The following LAMA2 variants were observed in gnomAD, a reference collection of about 807,000 sequenced individuals.
The protein encoded by LAMA2 is laminin subunit alpha 2.
LAMA2 carries 269 observed loss-of-function variants against 364.8 expected under a neutral mutation model. The observed-to-expected ratio is 0.74, with a 90% CI of 0.67 to 0.82. The LOEUF is 0.82. Ranked by LOEUF, LAMA2 falls within the 40% of genes least tolerant of loss-of-function variation. The pLI, the probability that LAMA2 is intolerant of heterozygous loss-of-function variation, is 0.00. For missense variants in LAMA2, 3,807 were observed against 3,873.2 expected (o/e 0.98, Z 0.45); for synonymous variants, 1,379 against 1,370.6 (o/e 1.01, Z -0.14).
At position 129,460,274 on chromosome 6, in the gene LAMA2, T is replaced by A; in HGVS notation, c.6942T>A (p.Gly2314=). 1 of 1,612,150 alleles carries A rather than the reference T, an allele frequency of 6.2e-7. No homozygotes were observed. Among genetic ancestry groups the A allele is most frequent in the African/African-American group, 1.3e-5 (1 of 74,878 alleles). Residue 2314 remains glycine, a synonymous_variant, in exon 49 of 65, where the codon GGT becomes GGA. Transcript: ENST00000421865. ...CATACTTTGACAACAAACCTATAGG[T>A]TTGTGGAATTTCCGAGAAAAAGAAG... The part of the protein sequence containing the change: ...GETYFDNKPI[G]LWNFREKEGD...
chr6:128,946,412 T>C (rs1008584646), intron 1 of LAMA2, among the ~76,000 whole-genome samples: 1 of 152,182 alleles, frequency 6.6e-6, no homozygotes, highest in Non-Finnish European at 1.5e-5. Flanking sequence ...GAACATGTGG[T>C]GGACTGGGAT....
intron 34 of LAMA2, among the ~76,000 whole-genome samples, chr6:129,371,662 A>G (rs1778090896): frequency 6.8e-6 from 1 of 147,284 alleles, no homozygotes; most frequent in African/African-American, 2.5e-5. Context: ...GCTGGAGTGC[A>G]GTGGTGCGAT....
intron 41 of LAMA2, 106 bp from the exon 42 acceptor site, chr6:129,438,540 T>G (rs1400698552): frequency 1.6e-6 from 1 of 626,196 alleles, no homozygotes; most frequent in Admixed American, 2.6e-5. Context: ...TACATTTTCT[T>G]GCTTTTAATT....
chr6:128,940,401 G>T (rs1780079531), intron 1 of LAMA2, among the ~76,000 whole-genome samples: 1 of 151,946 alleles, frequency 6.6e-6, no homozygotes, highest in Non-Finnish European at 1.5e-5. Flanking sequence ...TTTATTATAA[G>T]CTTTAAGAGG....
In LAMA2 at chr6:129,154,585, G is replaced by T; in HGVS notation, c.1108G>T (p.Gly370Ter). The change falls in exon 8 of 65, where the codon GGA (glycine) becomes TGA (stop). Residue 370 changes from glycine (G) to a stop codon, truncating the protein, a stop_gained. Coordinates refer to ENST00000421865, the MANE Select transcript of LAMA2 (RefSeq NM_000426.4). LOFTEE classifies it high-confidence loss of function. ...ARRNLSLNIR[G>*]KYIGGGVCIN... ...AAGAAATCTGAGTTTGAATATACGTGGAAAGTACATTGGAGGGGGTGTCTG... is the reference window on the plus strand; with the variant it reads ...AAGAAATCTGAGTTTGAATATACGTTGAAAGTACATTGGAGGGGGTGTCTG... The T allele has an allele frequency of 6.2e-7, 1 of 1,613,650 alleles. No individual in the cohort carries two copies. Among genetic ancestry groups the T allele is most frequent in the Non-Finnish European group, 8.5e-7 (1 of 1,179,602 alleles).
At chr6:129,249,571 G>A (rs1276443304) in intron 12 of LAMA2, among the ~76,000 whole-genome samples, 1 of 152,114 alleles carries the variant, frequency 6.6e-6, no homozygotes, top group Non-Finnish European at 1.5e-5. Context: ...TGCCTGTTTT[G>A]TTTGAATTTT....
intron 1 of LAMA2, among the ~76,000 whole-genome samples, chr6:129,040,991 A>G (rs1362777388): frequency 1.3e-5 from 2 of 152,240 alleles, no homozygotes; most frequent in African/African-American, 4.8e-5. Flanking sequence ...AGTGAAACAC[A>G]GTAGATCTTT....
chr6:129,461,430 CATTCATTGTTT>C (rs898732314), intron 49 of LAMA2, among the ~76,000 whole-genome samples: 1 of 151,988 alleles, frequency 6.6e-6, no homozygotes, highest in African/African-American at 2.4e-5. Flanking sequence ...AAGCGTGACC[CATTCATTGTTT>C]AAAATGGTTT....
chr6:129,157,926 T>C, intron 8 of LAMA2: 1 of 1,614,180 alleles, frequency 6.2e-7, no homozygotes, highest in South Asian at 1.1e-5. Context: ...CACCCTGGTA[T>C]TCAAGGGCAC....
intron 12 of LAMA2, among the ~76,000 whole-genome samples, chr6:129,195,667 G>A (rs138257689): frequency 6.6e-6 from 1 of 152,102 alleles, no homozygotes; most frequent in Non-Finnish European, 1.5e-5. Context: ...ATTAAATCAG[G>A]CACCCACAGG....
chr6:129,070,822 C>A (rs1450619503), intron 3 of LAMA2, among the ~76,000 whole-genome samples: 2 of 152,102 alleles, frequency 1.3e-5, no homozygotes, highest in African/African-American at 4.8e-5. Flanking sequence ...ATGAAACATG[C>A]ATTTTCAGTG....
chr6:129,019,112 A>G (rs1785257041), intron 1 of LAMA2, among the ~76,000 whole-genome samples: 1 of 152,022 alleles, frequency 6.6e-6, no homozygotes, highest in Non-Finnish European at 1.5e-5. Flanking sequence ...AGGGATCCAC[A>G]CCTTCCTCTT....
At chr6:129,459,289 C>G (rs1055708235) in intron 48 of LAMA2, among the ~76,000 whole-genome samples, 5 of 152,032 alleles carry the variant, frequency 3.3e-5, no homozygotes, top group Non-Finnish European at 7.4e-5. Flanking sequence ...TTTATGGAAG[C>G]ACCATCATAT....
intron 4 of LAMA2, among the ~76,000 whole-genome samples, chr6:129,131,732 G>T (rs1222036262): frequency 6.6e-6 from 1 of 152,086 alleles, no homozygotes; most frequent in Non-Finnish European, 1.5e-5. Flanking sequence ...TAAACCTTGG[G>T]GTACTGTTTA....
intron 1 of LAMA2, among the ~76,000 whole-genome samples, chr6:128,922,848 C>G (rs918388758): frequency 6.6e-6 from 1 of 152,102 alleles, no homozygotes; most frequent in Non-Finnish European, 1.5e-5. Context: ...TTAGGTCTAA[C>G]GTTTAATTCT....
At chr6:129,133,472 GAA>G (rs1370434614) in intron 4 of LAMA2, among the ~76,000 whole-genome samples, 2 of 152,182 alleles carry the variant, frequency 1.3e-5, no homozygotes, top group African/African-American at 4.8e-5. Context: ...GGTGGCAAAA[GAA>G]GGGAACATTC....
intron 1 of LAMA2, among the ~76,000 whole-genome samples, chr6:128,949,038 T>C (rs1345574429): frequency 6.6e-6 from 1 of 152,210 alleles, no homozygotes; most frequent in Non-Finnish European, 1.5e-5. Flanking sequence ...CCCCCCGATG[T>C]AGGATAAATA....
At chr6:129,413,117 C>A (rs938802608) in intron 40 of LAMA2, among the ~76,000 whole-genome samples, 1 of 152,086 alleles carries the variant, frequency 6.6e-6, no homozygotes, top group African/African-American at 2.4e-5. Flanking sequence ...AGATAAGATA[C>A]ACTATGCAAA....
At chr6:129,174,305 T>C (rs925743283) in intron 9 of LAMA2, among the ~76,000 whole-genome samples, 112 of 152,250 alleles carry the variant, frequency 7.4e-4, no homozygotes, top group African/African-American at 2.6e-3. Context: ...ACATTTTGTT[T>C]TCCAATACTC....
Sources: allele counts gnomAD v4.1 joint callset (sites outside exome capture counted in the v4.1 genomes callset), GRCh38; gene constraint gnomAD v4.1.1; transcripts MANE v1.5; gene names NCBI Gene and HGNC (gene_info 2026-07-23, HGNC 2026-07-21).